The following ADAMTSL1 variants were observed in gnomAD, a reference collection of about 807,000 sequenced individuals.
The protein encoded by ADAMTSL1 is ADAMTS-like protein 1.
In ADAMTSL1, 126 loss-of-function variants were observed where a neutral mutation model predicts 201.8. The ratio of observed to expected loss-of-function variants is 0.62; its 90% CI spans 0.54 to 0.72. ADAMTSL1 has a LOEUF of 0.72. Ranked by LOEUF, ADAMTSL1 falls within the 30% of genes least tolerant of loss-of-function variation. ADAMTSL1 has a pLI of 0.00. For missense variants in ADAMTSL1, 2,679 were observed against 2,277.8 expected (o/e 1.18, Z -3.59); for synonymous variants, 1,121 against 903.4 (o/e 1.24, Z -4.32).
At chr9:18,843,855 G>A (rs559796014) in intron 23 of ADAMTSL1, among the ~76,000 whole-genome samples, 20 of 151,204 alleles carry the variant, frequency 1.3e-4, no homozygotes, top group South Asian at 4.1e-4. Context: ...CATTCTTCAC[G>A]TAGTTCTTGA....
chr9:18,228,269 A>T (rs1173924060), intron 2 of ADAMTSL1, among the ~76,000 whole-genome samples: 1 of 152,172 alleles, frequency 6.6e-6, no homozygotes, highest in African/African-American at 2.4e-5. Context: ...AACAAGCTAG[A>T]AAAGTCAGTT....
chr9:18,538,165 G>A (rs987011879), intron 3 of ADAMTSL1, among the ~76,000 whole-genome samples: 9 of 152,226 alleles, frequency 5.9e-5, no homozygotes, highest in Non-Finnish European at 7.4e-5. Flanking sequence ...GGATCATTGC[G>A]GTAGTTCAGG....
chr9:18,244,983 G>T (rs1831205460), intron 2 of ADAMTSL1, among the ~76,000 whole-genome samples: 1 of 152,104 alleles, frequency 6.6e-6, no homozygotes, highest in South Asian at 2.1e-4. Flanking sequence ...AAAAAGTAAT[G>T]CTGTGTATTA....
intron 1 of ADAMTSL1, among the ~76,000 whole-genome samples, chr9:17,965,638 G>T (rs952043745): frequency 2.0e-5 from 3 of 152,054 alleles, no homozygotes; most frequent in Non-Finnish European, 4.4e-5. Context: ...TGATAAATTG[G>T]GATATTCAGA....
chr9:18,151,895 A>G (rs994693374), intron 1 of ADAMTSL1, among the ~76,000 whole-genome samples: 3 of 152,144 alleles, frequency 2.0e-5, no homozygotes, highest in East Asian at 3.9e-4. Flanking sequence ...TCTTCTTTAC[A>G]TTGGAATGTC....
chr9:18,072,269 G>A (rs138824589), intron 1 of ADAMTSL1, among the ~76,000 whole-genome samples: 39 of 152,268 alleles, frequency 2.6e-4, no homozygotes, highest in African/African-American at 8.7e-4. Flanking sequence ...ACTGTTATGC[G>A]AAACATGATT....
At chr9:18,348,323 T>C (rs1382643909) in intron 2 of ADAMTSL1, among the ~76,000 whole-genome samples, 2 of 152,092 alleles carry the variant, frequency 1.3e-5, no homozygotes, top group African/African-American at 4.8e-5. Flanking sequence ...ATCAGCCACA[T>C]TTGCACACAT....
chr9:17,951,947 T>G (rs1321286139), intron 1 of ADAMTSL1, among the ~76,000 whole-genome samples: 4 of 151,876 alleles, frequency 2.6e-5, no homozygotes, highest in Non-Finnish European at 5.9e-5. Flanking sequence ...ACCACAGGCA[T>G]GCACCATCTT....
chr9:18,599,213 G>C (rs1245695876), intron 4 of ADAMTSL1, among the ~76,000 whole-genome samples: 1 of 152,208 alleles, frequency 6.6e-6, no homozygotes, highest in South Asian at 2.1e-4. Flanking sequence ...ACAAGTTAGG[G>C]ATGAAAGGAT....
At chr9:17,977,204 T>TGTGC (rs1324771793) in intron 1 of ADAMTSL1, among the ~76,000 whole-genome samples, 2 of 152,142 alleles carry the variant, frequency 1.3e-5, no homozygotes, top group Non-Finnish European at 2.9e-5. Flanking sequence ...ATCCTTTTAA[T>TGTGC]GTGCTGTTTA....
chr9:18,729,516 A>C (rs761058914), intron 15 of ADAMTSL1, among the ~76,000 whole-genome samples: 2 of 152,216 alleles, frequency 1.3e-5, no homozygotes, highest in African/African-American at 2.4e-5. Flanking sequence ...GAATGTTTTT[A>C]TAATGCCTTA....
intron 23 of ADAMTSL1, among the ~76,000 whole-genome samples, chr9:18,831,186 C>A (rs1824954409): frequency 6.6e-6 from 1 of 152,214 alleles, no homozygotes; most frequent in Admixed American, 6.5e-5. Context: ...AAATAAGACA[C>A]AGGGAAAGTA....
At chr9:18,544,534 T>G (rs1249383653) in intron 3 of ADAMTSL1, among the ~76,000 whole-genome samples, 1 of 152,082 alleles carries the variant, frequency 6.6e-6, no homozygotes. Flanking sequence ...TCAGCCAGCA[T>G]CATCCCATGG....
chr9:18,330,166 G>T (rs1203186563), intron 2 of ADAMTSL1, among the ~76,000 whole-genome samples: 3 of 152,106 alleles, frequency 2.0e-5, no homozygotes, highest in Non-Finnish European at 4.4e-5. Context: ...TTGATACCTG[G>T]AGCTATCTTG....
chr9:18,057,248 G>A (rs1822235623), intron 1 of ADAMTSL1, among the ~76,000 whole-genome samples: 1 of 152,162 alleles, frequency 6.6e-6, no homozygotes, highest in South Asian at 2.1e-4. Flanking sequence ...TGGAACTGAT[G>A]TGCAATATTG....
At chr9:18,857,665 A>C (rs1463027791) in intron 23 of ADAMTSL1, among the ~76,000 whole-genome samples, 1 of 152,190 alleles carries the variant, frequency 6.6e-6, no homozygotes, top group East Asian at 1.9e-4. Flanking sequence ...TTAAGTTCCA[A>C]AGTTTTCCTT....
chr9:18,145,547 C>G (rs10963476), intron 1 of ADAMTSL1, among the ~76,000 whole-genome samples: 2 of 152,098 alleles, frequency 1.3e-5, no homozygotes, highest in Admixed American at 1.3e-4. Context: ...ATTGGATATT[C>G]GAAACATGCA....
At chr9:18,335,266 G>A (rs1005019676) in intron 2 of ADAMTSL1, among the ~76,000 whole-genome samples, 1 of 152,076 alleles carries the variant, frequency 6.6e-6, no homozygotes, top group Non-Finnish European at 1.5e-5. Context: ...CAGGCAGCAG[G>A]TGGAAAATAT....
intron 2 of ADAMTSL1, among the ~76,000 whole-genome samples, chr9:18,224,409 C>T (rs961371061): frequency 3.3e-5 from 5 of 152,010 alleles, no homozygotes; most frequent in Non-Finnish European, 7.4e-5. Context: ...ATGATTCTGC[C>T]ATCATAACCT....
Sources: allele counts gnomAD v4.1 joint callset (sites outside exome capture counted in the v4.1 genomes callset), GRCh38; gene constraint gnomAD v4.1.1; transcripts MANE v1.5; gene names NCBI Gene and HGNC (gene_info 2026-07-23, HGNC 2026-07-21).